SUSD1: variants seen among roughly 807,000 people sequenced by gnomAD.
SUSD1 encodes the protein sushi domain-containing protein 1.
In SUSD1, 65 loss-of-function variants were observed where a neutral mutation model predicts 86.9. The ratio of observed to expected loss-of-function variants is 0.75; its 90% CI spans 0.61 to 0.92. SUSD1 has a LOEUF of 0.92. Ranked by LOEUF, SUSD1 falls within the 40% of genes least tolerant of loss-of-function variation. SUSD1 has a pLI of 0.00. For missense variants in SUSD1, 850 were observed against 929.7 expected (o/e 0.91, Z 1.11); for synonymous variants, 346 against 350.0 (o/e 0.99, Z 0.13).
intron 13 of SUSD1, among the ~76,000 whole-genome samples, chr9:112,059,659 G>T (rs1828624322): frequency 6.6e-6 from 1 of 152,162 alleles, no homozygotes; most frequent in South Asian, 2.1e-4. Flanking sequence ...CCCAATTGTG[G>T]ACAGAAAAAC....
At chr9:112,046,893 T>G (rs1827978487) in intron 15 of SUSD1, among the ~76,000 whole-genome samples, 1 of 152,222 alleles carries the variant, frequency 6.6e-6, no homozygotes, top group Non-Finnish European at 1.5e-5. Context: ...TTAGCAACAC[T>G]GTTATATTCC....
chr9:112,149,575 C>T (rs560261068), intron 2 of SUSD1, among the ~76,000 whole-genome samples, 176 bp from the exon 3 acceptor site: 2 of 152,310 alleles, frequency 1.3e-5, no homozygotes, highest in African/African-American at 4.8e-5. Flanking sequence ...AGGACCTGGG[C>T]CCCTCGTAGT....
intron 8 of SUSD1, among the ~76,000 whole-genome samples, chr9:112,103,439 G>A (rs2131621551): frequency 2.0e-5 from 3 of 152,296 alleles, no homozygotes; most frequent in Middle Eastern, 6.8e-3. Context: ...AATACCAAGT[G>A]TCTGCATGTA....
rs766544987 is a variant in SUSD1, at chr9:112,143,467, C to A, written c.526+4G>T. ...AGATGCCGCAATTTTTGGCAGAAAC[C>A]CACCTGTGCATGATGTGGCATCGGT... On this transcript the variant is annotated splice_donor_region_variant and intron_variant, in intron 4 of 16. Transcript: ENST00000374270. The A allele has an allele frequency of 1.9e-6, 3 of 1,609,416 alleles. No individual in the cohort carries two copies. The Admixed American group carries it at 5.1e-5, about 27-fold the overall frequency.
intron 6 of SUSD1, among the ~76,000 whole-genome samples, chr9:112,121,492 C>T (rs1291995162): frequency 1.3e-5 from 2 of 152,046 alleles, no homozygotes; most frequent in African/African-American, 2.4e-5. Context: ...AGGGTCATGC[C>T]GACAAAGTAC....
At position 112,113,914 on chromosome 9, in the gene SUSD1, G is replaced by A. The variant is rs898851665; in HGVS notation, c.887-1046C>T. Reference sequence around the variant, plus strand: ...ACCACTGCACTCCAGCCTGGGTGACGGAGCAAAACTCCATCTCAAAAGTAA... The same window carrying A: ...ACCACTGCACTCCAGCCTGGGTGACAGAGCAAAACTCCATCTCAAAAGTAA... On this transcript the variant is annotated intron_variant, in intron 6 of 16. Transcript: ENST00000374270. This position sits in a 1 kb window ranked among gnomAD's most constrained non-coding sequence, Gnocchi z 4.1. Among the ~76,000 whole-genome samples, 6 of 151,360 alleles carry A rather than the reference G, an allele frequency of 4.0e-5. No homozygotes were observed. The highest frequency in any genetic ancestry group is 1.2e-4 in the African/African-American group (5 of 41,228).
chr9:112,115,814 A>AAAAG (rs1345106593), intron 6 of SUSD1, among the ~76,000 whole-genome samples: 2 of 19,260 alleles, frequency 1.0e-4, no homozygotes, highest in Non-Finnish European at 1.9e-4. Context: ...ATTGCAAAAA[A>AAAAG]AAAAAAAAAG....
intron 2 of SUSD1, 42 bp downstream of exon 2, chr9:112,157,458 C>T (rs866305119): frequency 1.4e-6 from 2 of 1,396,058 alleles, no homozygotes; most frequent in Middle Eastern, 3.5e-4. Context: ...AATCTTGTTT[C>T]TCGATTCAGC....
chr9:112,102,612 A>C lies in SUSD1; in HGVS notation c.1172-327T>G, dbSNP rs540645702. ...TAATAAAGAAAGCTGTGATATTTTT[A>C]GAAAGTTAATCCTATCGCTTGGATC... On this transcript the variant is annotated intron_variant, in intron 8 of 16. Transcript: ENST00000374270. 2.6e-5 allele frequency among the ~76,000 whole-genome samples: 4 copies of C among 152,364 alleles called. No homozygotes were observed. In the South Asian group the frequency reaches 8.3e-4, roughly 32 times the overall value.
chr9:112,083,212 A>G (rs1376139644), intron 10 of SUSD1, among the ~76,000 whole-genome samples: 1 of 152,042 alleles, frequency 6.6e-6, no homozygotes, highest in African/African-American at 2.4e-5. Flanking sequence ...AATGTCCAAA[A>G]CTTACACGAA....
At position 112,062,960 on chromosome 9, in the gene SUSD1, G is replaced by C. The variant is rs773667853; in HGVS notation, c.1827C>G (p.Ala609=). ...GPLPRLRLRK[A]KEKNGPISSY... ...ACCTGATTGGTCCATTTTTCTCCTT[G>C]GCTTTCCTCAGTCTGAGGCGTGGTA... The change falls in exon 13 of 17, where the codon GCC becomes GCG. Residue 609 remains alanine (A), a synonymous_variant. Transcript: ENST00000374270. 2.5e-6 allele frequency: 4 copies of C among 1,612,480 alleles called. No individual in the cohort carries two copies. Among genetic ancestry groups the C allele is most frequent in the Non-Finnish European group, 2.5e-6 (3 of 1,178,952 alleles).
At chr9:112,049,360 C>T (rs988323233) in intron 15 of SUSD1, among the ~76,000 whole-genome samples, 2 of 152,192 alleles carry the variant, frequency 1.3e-5, no homozygotes, top group African/African-American at 4.8e-5. Flanking sequence ...ACTCATAATA[C>T]TCTGTGGCTG....
Position 112,085,435 on chromosome 9 carries a change from G to A in SUSD1, c.1475-5270C>T. On this transcript the variant is annotated intron_variant, in intron 10 of 16. Coordinates refer to ENST00000374270, the MANE Select transcript of SUSD1 (RefSeq NM_022486.5). ...ACAACAAGCCCACGATATGGATATT[G>A]TTATTCCCATGTTCACAGTTAAGGC... 1.3e-5 allele frequency among the ~76,000 whole-genome samples: 2 copies of A among 152,178 alleles called. 1 individual carries two copies. Among genetic ancestry groups the A allele is most frequent in the South Asian group, 4.1e-4 (2 of 4,830 alleles).
At chr9:112,110,800 A>T (rs1326147397) in intron 8 of SUSD1, among the ~76,000 whole-genome samples, 1 of 151,990 alleles carries the variant, frequency 6.6e-6, no homozygotes, top group Non-Finnish European at 1.5e-5. Flanking sequence ...ATTATGTAAA[A>T]TGAGGTTTAT....
intron 1 of SUSD1, chr9:112,173,675 C>A: frequency 2.2e-6 from 1 of 447,434 alleles, no homozygotes; most frequent in Non-Finnish European, 4.3e-6. Context: ...GAGCACGTTT[C>A]CCAAGCTTGA....
At chr9:112,068,709 AAAAAAAAAT>A (rs1476182786) in intron 12 of SUSD1, among the ~76,000 whole-genome samples, 13 of 146,064 alleles carry the variant, frequency 8.9e-5, no homozygotes, top group African/African-American at 3.5e-4. Flanking sequence ...CAAAAAAAAA[AAAAAAAAAT>A]ATTTTTAGCC....
chr9:112,150,402 G>A (rs1832995072), intron 2 of SUSD1, among the ~76,000 whole-genome samples: 1 of 152,180 alleles, frequency 6.6e-6, no homozygotes, highest in Non-Finnish European at 1.5e-5. Context: ...GTTACTTCGT[G>A]TTTTATTTCA....
intron 5 of SUSD1, among the ~76,000 whole-genome samples, chr9:112,125,376 C>A (rs1406388612): frequency 6.6e-6 from 1 of 151,714 alleles, no homozygotes; most frequent in Non-Finnish European, 1.5e-5. Flanking sequence ...TCAATAAAAC[C>A]AGAGCAGTGA....
At chr9:112,144,639 A>G (rs1467937289) in intron 3 of SUSD1, among the ~76,000 whole-genome samples, 5 of 152,210 alleles carry the variant, frequency 3.3e-5, no homozygotes, top group Admixed American at 3.3e-4. Flanking sequence ...AACATTTTTA[A>G]TGTTTTAAAT....
Sources: allele counts gnomAD v4.1 joint callset (sites outside exome capture counted in the v4.1 genomes callset), GRCh38; gene constraint gnomAD v4.1.1; non-coding constraint Gnocchi (gnomAD v3.1); transcripts MANE v1.5; gene names NCBI Gene and HGNC (gene_info 2026-07-23, HGNC 2026-07-21).